The following ADCY8 variants were observed in gnomAD, a reference collection of about 807,000 sequenced individuals.
ADCY8 encodes the protein adenylate cyclase 8.
A neutral mutation model predicts 119.7 loss-of-function variants in ADCY8; 51 were observed. The observed-to-expected ratio is 0.43, with a 90% confidence interval of 0.34 to 0.54. ADCY8 has a LOEUF of 0.54. Ranked by LOEUF, ADCY8 falls within the 20% of genes least tolerant of loss-of-function variation. The pLI, the probability that ADCY8 is intolerant of heterozygous loss-of-function variation, is 0.03. For missense variants in ADCY8, 1,383 were observed against 1,598.8 expected (o/e 0.87, Z 2.30); for synonymous variants, 665 against 651.0 (o/e 1.02, Z -0.33).
At chr8:130,872,783 A>G (rs1212015917) in intron 8 of ADCY8, among the ~76,000 whole-genome samples, 1 of 152,192 alleles carries the variant, frequency 6.6e-6, no homozygotes, top group Non-Finnish European at 1.5e-5. Flanking sequence ...ACAGAAGGAG[A>G]GTGACCACAA....
At chr8:130,895,809 A>C (rs1024966648) in intron 7 of ADCY8, among the ~76,000 whole-genome samples, 7 of 152,184 alleles carry the variant, frequency 4.6e-5, no homozygotes, top group Admixed American at 2.0e-4. Context: ...CTGTGGGGAA[A>C]AATATGCCTG....
At chr8:131,009,721 A>G (rs908938838) in intron 1 of ADCY8, among the ~76,000 whole-genome samples, 2 of 152,248 alleles carry the variant, frequency 1.3e-5, no homozygotes, top group Admixed American at 1.3e-4. Context: ...GAATCTGTAG[A>G]TGGTAGGGAA....
chr8:131,005,471 A>G (rs950021071), intron 1 of ADCY8, among the ~76,000 whole-genome samples: 12 of 152,176 alleles, frequency 7.9e-5, no homozygotes, highest in Non-Finnish European at 2.9e-5. Context: ...GCTTCTAGTC[A>G]CACAGGATAA....
chr8:130,967,691 A>G (rs1384176521), intron 2 of ADCY8, among the ~76,000 whole-genome samples: 1 of 152,106 alleles, frequency 6.6e-6, no homozygotes, highest in Non-Finnish European at 1.5e-5. Flanking sequence ...TTCAGGTTTC[A>G]TATTTTGTTG....
intron 1 of ADCY8, among the ~76,000 whole-genome samples, chr8:131,008,087 TG>T (rs767051255): frequency 1.1e-4 from 16 of 152,204 alleles, no homozygotes; most frequent in Non-Finnish European, 2.1e-4. Flanking sequence ...GTAGTAATTC[TG>T]TTAGGGTCAG....
chr8:130,944,262 G>C (rs1290151905), intron 3 of ADCY8, among the ~76,000 whole-genome samples: 3 of 152,182 alleles, frequency 2.0e-5, no homozygotes, highest in Non-Finnish European at 2.9e-5. Flanking sequence ...TGTCCATTTG[G>C]TTGAATTGCA....
intron 12 of ADCY8, among the ~76,000 whole-genome samples, chr8:130,829,710 T>G (rs1816772151): frequency 6.6e-6 from 1 of 152,192 alleles, no homozygotes; most frequent in Non-Finnish European, 1.5e-5. Context: ...TCTTACATGG[T>G]CTATGGTAGT....
intron 11 of ADCY8, among the ~76,000 whole-genome samples, chr8:130,837,163 C>A (rs62518063): frequency 2.0e-5 from 3 of 152,202 alleles, no homozygotes; most frequent in Non-Finnish European, 1.5e-5. Context: ...CCCCACCCCA[C>A]ACCCATATCG....
intron 1 of ADCY8, among the ~76,000 whole-genome samples, chr8:131,009,251 G>T (rs118069073): frequency 0.026 from 3,943 of 152,276 alleles, 73 homozygotes; most frequent in Non-Finnish European, 0.039. Context: ...GTTTCCTGGG[G>T]TAGGCCAAGG....
At chr8:130,967,306 C>T (rs1055872024) in intron 2 of ADCY8, among the ~76,000 whole-genome samples, 1 of 152,122 alleles carries the variant, frequency 6.6e-6, no homozygotes, top group African/African-American at 2.4e-5. Flanking sequence ...TGGTCTAAGA[C>T]CCTAGGAATT....
intron 15 of ADCY8, among the ~76,000 whole-genome samples, chr8:130,793,833 C>A (rs997088798): frequency 7.9e-5 from 12 of 152,190 alleles, no homozygotes; most frequent in Non-Finnish European, 1.6e-4. Context: ...TATCCCTATG[C>A]ACTTCTAAAA....
chr8:130,921,761 T>C (rs981636045), intron 5 of ADCY8, among the ~76,000 whole-genome samples: 3 of 152,150 alleles, frequency 2.0e-5, no homozygotes, highest in African/African-American at 7.2e-5. Context: ...TCGTTACCCA[T>C]TTTTCTATTT....
intron 1 of ADCY8, among the ~76,000 whole-genome samples, chr8:131,020,016 G>C (rs193044759): frequency 2.0e-5 from 3 of 152,204 alleles, no homozygotes; most frequent in African/African-American, 7.2e-5. Context: ...GGCAAAGGAA[G>C]AACAGAAACT....
chr8:130,868,705 A>T (rs1374474626), intron 8 of ADCY8, among the ~76,000 whole-genome samples: 1 of 152,186 alleles, frequency 6.6e-6, no homozygotes, highest in Non-Finnish European at 1.5e-5. Context: ...TTTAAAACTG[A>T]AAAAGACCTT....
chr8:130,922,251 TCA>T (rs1476715820), intron 5 of ADCY8, among the ~76,000 whole-genome samples: 1 of 149,664 alleles, frequency 6.7e-6, no homozygotes, highest in Non-Finnish European at 1.5e-5. Context: ...TGGGTGTTTC[TCA>T]CAGAGGGGGA....
intron 1 of ADCY8, among the ~76,000 whole-genome samples, chr8:131,016,847 C>T (rs1185642889): frequency 6.6e-6 from 1 of 152,058 alleles, no homozygotes; most frequent in Non-Finnish European, 1.5e-5. Flanking sequence ...GACTTCTGTT[C>T]AAGAGTTATC....
At chr8:130,810,617 G>A (rs1320413479) in intron 14 of ADCY8, among the ~76,000 whole-genome samples, 3 of 152,204 alleles carry the variant, frequency 2.0e-5, no homozygotes, top group African/African-American at 7.2e-5. Context: ...GCCTATTTCA[G>A]TATCTGGCAT....
At chr8:130,942,294 T>C (rs909520659) in intron 4 of ADCY8, among the ~76,000 whole-genome samples, 14 of 152,246 alleles carry the variant, frequency 9.2e-5, no homozygotes, top group Admixed American at 2.6e-4. Context: ...ATTTATATCA[T>C]TTTTAAGACT....
chr8:130,993,576 G>A (rs948314622), intron 1 of ADCY8, among the ~76,000 whole-genome samples: 1 of 152,134 alleles, frequency 6.6e-6, no homozygotes, highest in Non-Finnish European at 1.5e-5. Flanking sequence ...TTAAATCATG[G>A]CTATGGTTTC....
Sources: allele counts gnomAD v4.1 joint callset (sites outside exome capture counted in the v4.1 genomes callset), GRCh38; gene constraint gnomAD v4.1.1; transcripts MANE v1.5; gene names NCBI Gene and HGNC (gene_info 2026-07-23, HGNC 2026-07-21).